The following EDN1 variants were observed in gnomAD, a reference collection of about 807,000 sequenced individuals.
EDN1 encodes the protein endothelin-1.
Under a neutral mutation model 21.7 loss-of-function variants are expected in EDN1, and 11 were observed. The ratio of observed to expected loss-of-function variants is 0.51; its 90% confidence interval spans 0.32 to 0.84. EDN1 has a LOEUF of 0.84. Among genes scored for constraint, EDN1 ranks in the 40% least tolerant of loss-of-function variants. EDN1 has a pLI of 0.03. For missense variants in EDN1, 244 were observed against 262.3 expected (o/e 0.93, Z 0.48); for synonymous variants, 85 against 90.6 (o/e 0.94, Z 0.35).
the EDN1 span, among the ~76,000 whole-genome samples, chr6:12,285,089 ATAAT>A: frequency 2.0e-5 from 3 of 152,184 alleles, no homozygotes; most frequent in Non-Finnish European, 4.4e-5. Context: ...ATTAATAATA[ATAAT>A]TAACAAACAA....
At chr6:12,278,845 C>T in the EDN1 span, among the ~76,000 whole-genome samples, 5 of 151,948 alleles carry the variant, frequency 3.3e-5, no homozygotes, top group South Asian at 2.1e-4. Flanking sequence ...TGCAGTGAGC[C>T]GAGATCATGC....
the EDN1 span, among the ~76,000 whole-genome samples, chr6:12,283,634 G>T: frequency 6.6e-6 from 1 of 152,152 alleles, no homozygotes; most frequent in East Asian, 1.9e-4. Context: ...TCCTTTTAGG[G>T]ACTGGACACT....
the EDN1 span, among the ~76,000 whole-genome samples, chr6:12,284,795 G>C: frequency 6.6e-6 from 1 of 151,300 alleles, no homozygotes; most frequent in African/African-American, 2.4e-5. Flanking sequence ...AAGAAAGAAA[G>C]AAACCATGAA....
At chr6:12,253,126 A>G in the EDN1 span, among the ~76,000 whole-genome samples, 1 of 152,218 alleles carries the variant, frequency 6.6e-6, no homozygotes, top group Non-Finnish European at 1.5e-5. Context: ...ATGCTTGAAC[A>G]CATTCTATAG....
chr6:12,260,277 A>C, the EDN1 span, among the ~76,000 whole-genome samples: 2 of 152,190 alleles, frequency 1.3e-5, no homozygotes, highest in Non-Finnish European at 2.9e-5. Context: ...TGAAGACTTC[A>C]AATAATCTCC....
chr6:12,246,402 A>G, the EDN1 span, among the ~76,000 whole-genome samples: 1 of 152,042 alleles, frequency 6.6e-6, no homozygotes, highest in African/African-American at 2.4e-5. Flanking sequence ...TGGGTGAAAA[A>G]CCATTTTCCC....
the EDN1 span, among the ~76,000 whole-genome samples, chr6:12,249,532 G>C: frequency 3.3e-5 from 5 of 150,756 alleles, no homozygotes; most frequent in South Asian, 8.5e-4. Flanking sequence ...GCTATGCATT[G>C]AGACAAGACA....
At chr6:12,246,105 A>T in the EDN1 span, among the ~76,000 whole-genome samples, 4 of 152,168 alleles carry the variant, frequency 2.6e-5, no homozygotes, top group Admixed American at 6.6e-5. Flanking sequence ...TCCTACTCAT[A>T]TGGCTCTTGA....
the EDN1 span, among the ~76,000 whole-genome samples, chr6:12,282,766 AT>A: frequency 1.3e-5 from 2 of 152,306 alleles, no homozygotes; most frequent in Admixed American, 6.5e-5. Context: ...AACCAACATA[AT>A]AAAGTCATAA....
At chr6:12,262,036 C>T in the EDN1 span, among the ~76,000 whole-genome samples, 1 of 152,066 alleles carries the variant, frequency 6.6e-6, no homozygotes, top group Non-Finnish European at 1.5e-5. Context: ...TCAAATGAAA[C>T]TTCGGAATGA....
At chr6:12,293,804 A>G in intron 2 of EDN1, 137 bp from the exon 3 acceptor site, 1 of 967,292 alleles carries the variant, frequency 1.0e-6, no homozygotes, top group East Asian at 2.6e-5. Context: ...CTGTTGTTAC[A>G]CTTTACCCTC....
intron 4 of EDN1, among the ~76,000 whole-genome samples, chr6:12,294,701 G>A (rs1762776584): frequency 6.6e-6 from 1 of 152,086 alleles, no homozygotes; most frequent in Admixed American, 6.6e-5. Flanking sequence ...TTTGTCATTG[G>A]GTTATATACA....
chr6:12,275,318 T>A, the EDN1 span, among the ~76,000 whole-genome samples: 1 of 152,176 alleles, frequency 6.6e-6, no homozygotes, highest in Non-Finnish European at 1.5e-5. Context: ...TGAAGCTACT[T>A]GTCACTCAGG....
upstream of EDN1, among the ~76,000 whole-genome samples, chr6:12,287,755 GGCGC>G (rs1279596516): frequency 1.5e-4 from 4 of 27,448 alleles, no homozygotes; most frequent in Non-Finnish European, 3.7e-4. Context: ...CACACACACA[GGCGC>G]GCGCGCGCGC....
Position 12,294,377 on chromosome 6 carries a change from G to T in EDN1, c.506G>T (p.Ser169Ile). Reference protein sequence around the residue: ...QLVRGRKIRRSSEEHLRQTRS... With the variant: ...QLVRGRKIRRISEEHLRQTRS... The stretch of plus-strand genomic sequence containing the variant: ...GTGAGAGGAAGAAAAATCAGAAGAA[G>T]TTCAGAGGAACACCTAAGACAAACC... The change falls in exon 4 of 5, where the codon AGT (serine) becomes ATT (isoleucine). Residue 169 changes from serine to isoleucine, a missense_variant. By Grantham distance (142) the Ser-to-Ile change is moderately radical. Transcript: ENST00000379375. The T allele has an allele frequency of 1.2e-6, 2 of 1,614,130 alleles. No homozygotes were observed. Among genetic ancestry groups the T allele is most frequent in the Non-Finnish European group, 1.7e-6 (2 of 1,180,020 alleles).
chr6:12,295,390 C>T (rs1195791951), intron 4 of EDN1, among the ~76,000 whole-genome samples: 2 of 152,060 alleles, frequency 1.3e-5, no homozygotes, highest in East Asian at 3.9e-4. Context: ...TCTGAACTAA[C>T]CTGGAATTTT....
chr6:12,244,741 G>A, the EDN1 span, among the ~76,000 whole-genome samples: 40,043 of 152,022 alleles, frequency 0.26, 5,671 homozygotes, highest in Non-Finnish European at 0.32. Flanking sequence ...GGCAAATAAC[G>A]TCTTAATATT....
chr6:12,293,835 C>A, intron 2 of EDN1, 106 bp from the exon 3 acceptor site: 1 of 1,278,538 alleles, frequency 7.8e-7, no homozygotes, highest in Non-Finnish European at 1.1e-6. Flanking sequence ...CTCCCAAGTG[C>A]TATGTGATGA....
At chr6:12,285,930 T>A (rs1056400280), upstream of EDN1, among the ~76,000 whole-genome samples, 1 of 152,232 alleles carries the variant, frequency 6.6e-6, no homozygotes, top group Admixed American at 6.5e-5. Flanking sequence ...AAACTATGAT[T>A]TCATGTAGTT....
Sources: gnomAD v4.1 joint callset for allele counts (sites outside exome capture counted in the v4.1 genomes callset) on GRCh38, gnomAD v4.1.1 for gene constraint, MANE v1.5 for transcripts, NCBI Gene and HGNC (gene_info 2026-07-23, HGNC 2026-07-21) for gene names.